The following HDAC9 variants were observed in gnomAD, a reference collection of about 807,000 sequenced individuals.
HDAC9 encodes the protein MEF-2 interacting transcription repressor (MITR) protein.
Under a neutral mutation model 139.4 loss-of-function variants are expected in HDAC9, and 41 were observed. That is an observed-to-expected ratio of 0.29 (90% CI 0.23 to 0.38). The LOEUF is 0.38. Among genes scored for constraint, HDAC9 ranks in the 10% least tolerant of loss-of-function variants. The pLI is 1.00. For missense variants in HDAC9, 1,147 were observed against 1,297.0 expected, an observed-to-expected ratio of 0.88 and a Z score of 1.78; for synonymous variants, 517 against 476.2, an observed-to-expected ratio of 1.09 and a Z score of -1.12.
chr7:18,347,865 C>G (rs1467010958), intron 1 of HDAC9, among the ~76,000 whole-genome samples: 1 of 152,162 alleles, frequency 6.6e-6, no homozygotes, highest in African/African-American at 2.4e-5. Flanking sequence ...GCACGAGCCA[C>G]TGCACCTGGC....
At chr7:18,511,891 C>T (rs975204552) in intron 2 of HDAC9, among the ~76,000 whole-genome samples, 2 of 151,738 alleles carry the variant, frequency 1.3e-5, no homozygotes, top group African/African-American at 4.8e-5. Context: ...CTGTTGGATT[C>T]GAGTGGTTTT....
At chr7:18,992,941 C>A (rs1311493428) in intron 25 of HDAC9, among the ~76,000 whole-genome samples, 2 of 152,180 alleles carry the variant, frequency 1.3e-5, no homozygotes, top group Admixed American at 1.3e-4. Context: ...CCCTGCATGT[C>A]TTTCCTTCCC....
chr7:18,995,782 T>G (rs1025463603), intron 25 of HDAC9, among the ~76,000 whole-genome samples: 1 of 152,350 alleles, frequency 6.6e-6, no homozygotes. Flanking sequence ...TCTAGAGTTA[T>G]AAAATATTCT....
chr7:18,889,278 G>C (rs1800459772), intron 22 of HDAC9, among the ~76,000 whole-genome samples: 1 of 151,980 alleles, frequency 6.6e-6, no homozygotes, highest in African/African-American at 2.4e-5. Flanking sequence ...CACCTTCTCA[G>C]GTCAATTTTC....
At chr7:18,822,924 T>G (rs906344357) in intron 17 of HDAC9, among the ~76,000 whole-genome samples, 1 of 152,240 alleles carries the variant, frequency 6.6e-6, no homozygotes, top group African/African-American at 2.4e-5. Flanking sequence ...AGTATTTGTA[T>G]TTTGTTATTT....
chr7:18,672,060 C>T (rs1245505005), intron 12 of HDAC9, among the ~76,000 whole-genome samples: 1 of 151,866 alleles, frequency 6.6e-6, no homozygotes, highest in African/African-American at 2.4e-5. Context: ...TTTCATTTCT[C>T]CTGGGTATAT....
chr7:18,289,596 C>CA (rs1167667670), upstream of HDAC9, among the ~76,000 whole-genome samples: 1 of 152,090 alleles, frequency 6.6e-6, no homozygotes, highest in Admixed American at 6.6e-5. Context: ...TCTAATGCCA[C>CA]AATCCTTAGA....
intron 22 of HDAC9, among the ~76,000 whole-genome samples, chr7:18,924,671 G>C (rs1367996131): frequency 6.6e-6 from 1 of 152,104 alleles, no homozygotes; most frequent in Non-Finnish European, 1.5e-5. Context: ...CTTTAAAGAT[G>C]AATGATCATC....
intron 2 of HDAC9, among the ~76,000 whole-genome samples, chr7:18,579,788 T>C (rs987607216): frequency 2.7e-4 from 40 of 150,330 alleles, no homozygotes; most frequent in African/African-American, 9.5e-4. Flanking sequence ...AGTTTTTCCA[T>C]GCCTGTGTGT....
chr7:18,202,740 C>T (rs1027643035), intron 2 of HDAC9, among the ~76,000 whole-genome samples: 4 of 152,112 alleles, frequency 2.6e-5, no homozygotes, highest in Middle Eastern at 6.3e-3. Flanking sequence ...AATGTTTTTG[C>T]TTCATGGGCA....
rs1339004258 is a variant in HDAC9, at chr7:18,644,813, C to T, written c.1035+20C>T. The stretch of plus-strand genomic sequence containing the variant: ...CTCAATGTAAGTCATTGCACAGCAT[C>T]AGCCTTAATCAACCTAAGCAATATC... On this transcript the variant is annotated intron_variant, in intron 9 of 25. Transcript: ENST00000686413. 1.9e-6 allele frequency: 3 copies of T among 1,602,484 alleles called. No homozygotes were observed. The South Asian group carries it at 3.4e-5, about 18-fold the overall frequency.
At chr7:18,335,173 A>AT (rs1781495183) in intron 1 of HDAC9, among the ~76,000 whole-genome samples, 1 of 151,488 alleles carries the variant, frequency 6.6e-6, no homozygotes, top group African/African-American at 2.4e-5. Flanking sequence ...CTTTCAGAAG[A>AT]TTTTCCAACC....
chr7:18,535,340 G>A (rs1235093424), intron 2 of HDAC9, among the ~76,000 whole-genome samples: 1 of 151,722 alleles, frequency 6.6e-6, no homozygotes, highest in South Asian at 2.1e-4. Context: ...TATTATTGTT[G>A]ATGTTCTTAT....
At chr7:18,188,461 G>T (rs923378786) in intron 2 of HDAC9, among the ~76,000 whole-genome samples, 1 of 152,064 alleles carries the variant, frequency 6.6e-6, no homozygotes, top group Non-Finnish European at 1.5e-5. Context: ...TGACAAAAAC[G>T]CCAAAAGCAA....
chr7:18,167,103 T>G (rs1305411995), intron 2 of HDAC9, among the ~76,000 whole-genome samples: 1 of 152,214 alleles, frequency 6.6e-6, no homozygotes, highest in Non-Finnish European at 1.5e-5. Context: ...AACAAATTAG[T>G]TTTTTGATGT....
intron 2 of HDAC9, among the ~76,000 whole-genome samples, chr7:18,182,027 G>T (rs1475487797): frequency 1.3e-5 from 2 of 152,158 alleles, no homozygotes; most frequent in African/African-American, 4.8e-5. Context: ...GATTAGGGGA[G>T]GGTGGAGGAA....
chr7:18,620,073 A>T (rs1369714250), intron 6 of HDAC9, among the ~76,000 whole-genome samples: 1 of 152,210 alleles, frequency 6.6e-6, no homozygotes, highest in Admixed American at 6.5e-5. Flanking sequence ...CTCAGCACTT[A>T]ACATGCACTT....
intron 2 of HDAC9, among the ~76,000 whole-genome samples, chr7:18,529,959 A>G (rs1808306910): frequency 6.6e-6 from 1 of 152,064 alleles, no homozygotes; most frequent in East Asian, 1.9e-4. Flanking sequence ...TAAAATACAC[A>G]TTTAGTGCTT....
At chr7:18,098,715 C>G (rs1009683289) in intron 1 of HDAC9, among the ~76,000 whole-genome samples, 1 of 152,142 alleles carries the variant, frequency 6.6e-6, no homozygotes, top group Non-Finnish European at 1.5e-5. Context: ...TGCATCTCCT[C>G]TTTATTCCTT....
Sources: allele counts gnomAD v4.1 joint callset (sites outside exome capture counted in the v4.1 genomes callset), GRCh38; gene constraint gnomAD v4.1.1; transcripts MANE v1.5; gene names NCBI Gene and HGNC (gene_info 2026-07-23, HGNC 2026-07-21).